ABCC6: variants seen among roughly 807,000 people sequenced by gnomAD.
ABCC6 encodes ATP-binding cassette sub-family C member 6.
ABCC6 carries 126 observed loss-of-function variants against 169.5 expected under a neutral mutation model. That is an observed-to-expected ratio of 0.74 (90% CI 0.64 to 0.86). ABCC6 has a LOEUF of 0.86. ABCC6 is among the 40% of genes least tolerant of loss of function. The pLI is 0.00. For synonymous variants in ABCC6, 752 were observed against 814.7 expected, an observed-to-expected ratio of 0.92 and a Z score of 1.31; for missense variants, 1,733 against 1,927.2, an observed-to-expected ratio of 0.90 and a Z score of 1.89.
rs1596590129 is a variant in ABCC6 at position 16,155,189 on chromosome 16, T to A, written c.3883-158A>T. On this transcript the variant is annotated intron_variant, in intron 27 of 30. Coordinates refer to ENST00000205557, the MANE Select transcript of ABCC6 (RefSeq NM_001171.6). The stretch of plus-strand genomic sequence containing the variant: ...TTCCATCTGTCTACCTTTCTATATA[T>A]CCACCCATCAATCCATCCAGTCTTC... The A allele has an allele frequency of 3.7e-6, 3 of 813,566 alleles. No homozygotes were observed. In the Admixed American group the frequency reaches 7.7e-5, roughly 21 times the overall value. 50.4% of individuals were successfully genotyped at this position (813,566 alleles called of 1,614,324 possible).
In ABCC6 at chr16:16,163,013, G is replaced by A. The variant is rs1211334267; in HGVS notation, c.3486C>T (p.Phe1162=). 3 of 1,613,960 alleles carry A rather than the reference G, an allele frequency of 1.9e-6. No homozygotes were observed. The highest frequency in any genetic ancestry group is 2.7e-5 in the African/African-American group (2 of 74,924). The change falls in exon 24 of 31, where the codon TTC becomes TTT. Residue 1162 remains phenylalanine (F), a synonymous_variant. Transcript: ENST00000205557. ...CCTACCTGTCAGCCACCAGTCGCGG[G>A]AAACTGATCCTCTGGCTTTCATCTA... is the stretch of plus-strand genomic sequence containing the variant. The part of the protein sequence containing the change: ...ARVDESQRIS[F]PRLVADRWLA...
At chr16:16,158,531 T>C (rs2046620933) in intron 26 of ABCC6, among the ~76,000 whole-genome samples, 1 of 152,188 alleles carries the variant, frequency 6.6e-6, no homozygotes. Context: ...TCACCATTTC[T>C]TCTACCCTAT....
chr16:16,194,993 T>C (rs113482291), intron 10 of ABCC6, among the ~76,000 whole-genome samples: 2,233 of 152,182 alleles, frequency 0.015, 56 homozygotes, highest in African/African-American at 0.05. Flanking sequence ...GAACACTATT[T>C]TCTAACATTG....
intron 21 of ABCC6, 116 bp from the exon 22 acceptor site, chr16:16,169,969 G>A (rs1490427616): frequency 9.4e-6 from 10 of 1,062,442 alleles, no homozygotes; most frequent in East Asian, 5.2e-5. Context: ...GGACCACCAC[G>A]CAGACCTCAC....
At chr16:16,171,230 CTTTT>C (rs984587288) in intron 21 of ABCC6, among the ~76,000 whole-genome samples, 1 of 151,916 alleles carries the variant, frequency 6.6e-6, no homozygotes, top group African/African-American at 2.4e-5. Context: ...ATCATTCTTT[CTTTT>C]AAGAGGCAGG....
At chr16:16,210,426 T>C (rs1012337568) in intron 6 of ABCC6, among the ~76,000 whole-genome samples, 3 of 152,208 alleles carry the variant, frequency 2.0e-5, no homozygotes, top group Non-Finnish European at 4.4e-5. Context: ...CGTGAGCCAC[T>C]GCGCCAGGCC....
At chr16:16,202,516 G>A (rs1424297961) in intron 8 of ABCC6, among the ~76,000 whole-genome samples, 1 of 152,026 alleles carries the variant, frequency 6.6e-6, no homozygotes, top group East Asian at 1.9e-4. Context: ...GGCCTTTAAA[G>A]AGGCAATGAA....
At chr16:16,199,589 G>A (rs2048169105) in intron 9 of ABCC6, among the ~76,000 whole-genome samples, 1 of 126,790 alleles carries the variant, frequency 7.9e-6, no homozygotes, top group South Asian at 2.4e-4. Flanking sequence ...GACTGCGTGA[G>A]GGTGTGAAGA....
At chr16:16,190,646 A>G (rs2047818235) in intron 11 of ABCC6, among the ~76,000 whole-genome samples, 1 of 150,510 alleles carries the variant, frequency 6.6e-6, no homozygotes, top group Non-Finnish European at 1.5e-5. Flanking sequence ...TGACACCATC[A>G]GGAAGGCTAC....
chr16:16,220,527 A>G (rs1179305983), intron 2 of ABCC6: 1 of 158,370 alleles, frequency 6.3e-6, no homozygotes. Context: ...CATCAAAGAA[A>G]AACAAAAAGC....
intron 10 of ABCC6, among the ~76,000 whole-genome samples, chr16:16,193,366 T>C (rs1276138209): frequency 6.6e-6 from 1 of 152,334 alleles, no homozygotes; most frequent in Middle Eastern, 3.4e-3. Context: ...AGCAGCCCTC[T>C]GGGTTGCTCT....
chr16:16,215,717 G>C (rs1239419864), intron 4 of ABCC6, among the ~76,000 whole-genome samples: 1 of 150,920 alleles, frequency 6.6e-6, no homozygotes, highest in Non-Finnish European at 1.5e-5. Context: ...CAGGTGATCC[G>C]CCTGCCTTGG....
At chr16:16,159,415 A>T in intron 26 of ABCC6, 67 bp downstream of exon 26, 1 of 1,327,216 alleles carries the variant, frequency 7.5e-7, no homozygotes, top group East Asian at 2.5e-5. Context: ...AGATGTCAAC[A>T]GGGACCCATT....
At chr16:16,198,302 C>T in intron 9 of ABCC6, 120 bp from the exon 10 acceptor site, 3 of 1,078,886 alleles carry the variant, frequency 2.8e-6, no homozygotes, top group East Asian at 2.6e-5. Context: ...TGAGTAAAGT[C>T]TCTTAGGCCA....
rs2046342159 is a variant in ABCC6 at position 16,149,963 on chromosome 16, C to G, written c.*170G>C. On this transcript the variant is annotated 3_prime_UTR_variant, in exon 31 of 31. Coordinates refer to ENST00000205557, the MANE Select transcript of ABCC6 (RefSeq NM_001171.6). ...TGTGTATTGCTAGGTCCTTCCGGCT[C>G]TGATGCTCTGTGATAATTGGCCACT... 4.8e-6 allele frequency: 5 copies of G among 1,039,550 alleles called. No individual in the cohort carries two copies. The highest frequency in any genetic ancestry group is 5.8e-6 in the Non-Finnish European group (4 of 693,736). The allele number at this position is 1,039,550 out of a possible 1,614,324, so 64.4% of individuals were successfully genotyped here.
In ABCC6 at chr16:16,169,677, G is replaced by A. The variant is rs548522940; in HGVS notation, c.2964C>T (p.Gly988=). 6.8e-6 allele frequency: 11 copies of A among 1,611,018 alleles called. No individual in the cohort carries two copies. Among genetic ancestry groups the A allele is most frequent in the East Asian group, 4.5e-5 (2 of 44,880 alleles). ...GACAGCCGAGGAGCCCGAAGATCCC[G>A]CCACGCAGGGCTGCCTGCGTCTGCT... ...GGQQTQAALR[G]GIFGLLGCLQ... Residue 988 remains glycine, a synonymous_variant, in exon 22 of 31, where the codon GGC becomes GGT. Coordinates refer to ENST00000205557, the MANE Select transcript of ABCC6 (RefSeq NM_001171.6).
chr16:16,157,666 C>T lies in ABCC6; in HGVS notation c.3879G>A (p.Glu1293=). 6.2e-7 allele frequency: 1 copy of T among 1,614,124 alleles called. No individual in the cohort carries two copies. Among genetic ancestry groups the T allele is most frequent in the Middle Eastern group, 1.6e-4 (1 of 6,062 alleles). ...QGVSFKIHAG[E]KVGIVGRTGA... The stretch of plus-strand genomic sequence containing the variant: ...ACATTGTGAGAGAACCACTCACCTT[C>T]TCTCCTGCGTGGATCTTGAAGGACA... The change falls in exon 27 of 31, where the codon GAG becomes GAA. Residue 1293 remains glutamate, a synonymous_variant. Transcript: ENST00000205557.
chr16:16,183,209 CCACA>C (rs370627281), intron 15 of ABCC6, among the ~76,000 whole-genome samples: 3 of 152,106 alleles, frequency 2.0e-5, no homozygotes, highest in South Asian at 2.1e-4. Flanking sequence ...GGGCACGCAT[CCACA>C]CACACACAAG....
At chr16:16,192,115 G>A (rs956154066) in intron 11 of ABCC6, among the ~76,000 whole-genome samples, 7 of 152,174 alleles carry the variant, frequency 4.6e-5, no homozygotes, top group African/African-American at 7.2e-5. Context: ...GAGGGAAGCC[G>A]CCCTGACTGC....
Sources: gnomAD v4.1 joint callset for allele counts (sites outside exome capture counted in the v4.1 genomes callset) on GRCh38, gnomAD v4.1.1 for gene constraint, MANE v1.5 for transcripts, NCBI Gene and HGNC (gene_info 2026-07-23, HGNC 2026-07-21) for gene names.